The following UMODL1 variants were observed in gnomAD, a reference collection of about 807,000 sequenced individuals.
UMODL1 encodes uromodulin like 1, also known as uromodulin-like 1.
Under a neutral mutation model 136.3 loss-of-function variants are expected in UMODL1, and 128 were observed. The ratio of observed to expected loss-of-function variants is 0.94; its 90% confidence interval spans 0.81 to 1.09. The LOEUF (loss-of-function observed/expected upper bound fraction) is 1.09. Among genes scored for constraint, UMODL1 ranks in the 50% least tolerant of loss-of-function variants. The pLI is 0.00. For missense variants in UMODL1, 1,766 were observed against 1,725.6 expected (o/e 1.02, Z -0.41); for synonymous variants, 721 against 720.0 (o/e 1.00, Z -0.02).
At chr21:42,119,816 C>T (rs1355445596) in intron 15 of UMODL1, among the ~76,000 whole-genome samples, 1 of 152,118 alleles carries the variant, frequency 6.6e-6, no homozygotes, top group Non-Finnish European at 1.5e-5. Flanking sequence ...ATTGGAGATT[C>T]ATATTAATTT....
chr21:42,108,610 C>G lies in UMODL1; in HGVS notation c.1520-952C>G, dbSNP rs118104148. ...GGCATGCCGGGTGTGGGTTCGTTCCCGAGCACCTCCACCCGCAGCTCTACA... is the reference window on the plus strand; with the variant it reads ...GGCATGCCGGGTGTGGGTTCGTTCCGGAGCACCTCCACCCGCAGCTCTACA... On this transcript the variant is annotated intron_variant, in intron 9 of 22. Transcript: ENST00000408910. The G allele has an allele frequency of 2.9e-3, 993 of 340,748 alleles. 7 individuals are homozygous for G. The highest frequency in any genetic ancestry group is 0.02 in the African/African-American group (932 of 46,694). The allele number at this position is 340,748 out of a possible 1,614,324, so 21.1% of individuals were successfully genotyped here.
chr21:42,131,112 C>T (rs2067128995), intron 21 of UMODL1, among the ~76,000 whole-genome samples: 1 of 152,234 alleles, frequency 6.6e-6, no homozygotes, highest in Non-Finnish European at 1.5e-5. Flanking sequence ...TGCTCCCGGA[C>T]TGACTCCCAC....
chr21:42,092,398 T>TTTG (rs386394823), intron 6 of UMODL1, among the ~76,000 whole-genome samples: 10 of 151,806 alleles, frequency 6.6e-5, no homozygotes, highest in Non-Finnish European at 1.5e-4. Flanking sequence ...TTTTTGTTTT[T>TTTG]TTTTTTAAAC....
chr21:42,136,555 T>C (rs180711209), intron 21 of UMODL1, among the ~76,000 whole-genome samples: 3 of 152,326 alleles, frequency 2.0e-5, no homozygotes, highest in African/African-American at 4.8e-5. Context: ...CCTTTCACGG[T>C]TGGGTCATGT....
rs1335517523 is a variant in UMODL1 at position 42,123,794 on chromosome 21, T to C, written c.3147+644T>C. Among the ~76,000 whole-genome samples the C allele has an allele frequency of 6.6e-6, 1 of 151,846 alleles. No individual in the cohort carries two copies. The highest frequency in any genetic ancestry group is 1.5e-5 in the Non-Finnish European group (1 of 68,018). On this transcript the variant is annotated intron_variant, in intron 17 of 22. Transcript: ENST00000408910. The surrounding 1 kb of genome is among the most constrained non-coding windows in gnomAD (Gnocchi z 4.4). ...ATGCGTTTGTCCATGTGTGAGTGTG[T>C]ATGTATGGGTGTGTGTTTGGGGGGC...
intron 22 of UMODL1, among the ~76,000 whole-genome samples, chr21:42,139,466 C>T (rs1569183680): frequency 6.6e-6 from 1 of 152,168 alleles, no homozygotes; most frequent in African/African-American, 2.4e-5. Flanking sequence ...CCCCATGATC[C>T]AACCACCTCC....
At chr21:42,069,771 T>C (rs2066213839), upstream of UMODL1, among the ~76,000 whole-genome samples, 1 of 152,234 alleles carries the variant, frequency 6.6e-6, no homozygotes, top group Non-Finnish European at 1.5e-5. Flanking sequence ...TGAGATGATA[T>C]ATACAAGATA....
rs750618098 is a variant in UMODL1 at position 42,122,891 on chromosome 21, G to A, written c.2888G>A (p.Gly963Glu). The A allele has an allele frequency of 6.2e-6, 10 of 1,613,702 alleles. No homozygotes were observed. The highest frequency in any genetic ancestry group is 1.7e-5 in the Admixed American group (1 of 59,992). Residue 963 changes from glycine to glutamate, a missense_variant, in exon 17 of 23, where the codon GGG becomes GAG. Gly to Glu is a moderately conservative substitution (Grantham distance 98, BLOSUM62 -2). Transcript: ENST00000408910. This position sits in a 1 kb window ranked among gnomAD's most constrained non-coding sequence, Gnocchi z 4.3. ...CCAGAGAGGCCTCTCACCACAGCAG[G>A]GACCAAGGCTGCCTTTGTGCAAGGC... ...TSPERPLTTA[G>E]TKAAFVQGTS...
chr21:42,134,061 G>A (rs112721544), intron 21 of UMODL1, among the ~76,000 whole-genome samples: 9,439 of 152,224 alleles, frequency 0.062, 411 homozygotes, highest in Middle Eastern at 0.1. Flanking sequence ...GGGGCTGCAG[G>A]TGTTGTGGGC....
intron 7 of UMODL1, chr21:42,101,715 T>G: frequency 2.2e-6 from 1 of 456,656 alleles, no homozygotes; most frequent in Non-Finnish European, 4.4e-6. Flanking sequence ...CAGAGTACGT[T>G]CTTGAGAAGT....
At chr21:42,080,280 C>T (rs749533657) in intron 2 of UMODL1, among the ~76,000 whole-genome samples, 1 of 152,102 alleles carries the variant, frequency 6.6e-6, no homozygotes, top group African/African-American at 2.4e-5. Flanking sequence ...AAGCAGGGCC[C>T]GAAGCTGGAC....
In UMODL1 at chr21:42,137,434, C is replaced by T. The variant is rs757904797; in HGVS notation, c.3776-5C>T. On this transcript the variant is annotated splice_polypyrimidine_tract_variant and splice_region_variant and intron_variant, in intron 21 of 22. Coordinates refer to ENST00000408910, the MANE Select transcript of UMODL1 (RefSeq NM_001004416.3). Reference sequence around the variant, plus strand: ...TCTCTCACCTGTGCCTGTCTCCTCCCCGAGGTGAGCCTCCTCATGCAGAAG... The same window carrying T: ...TCTCTCACCTGTGCCTGTCTCCTCCTCGAGGTGAGCCTCCTCATGCAGAAG... 1 of 1,613,948 alleles carries T rather than the reference C, an allele frequency of 6.2e-7. No homozygotes were observed. The highest frequency in any genetic ancestry group is 1.7e-5 in the Admixed American group (1 of 60,026).
At chr21:42,101,140 A>G (rs1238965513) in intron 7 of UMODL1, among the ~76,000 whole-genome samples, 1 of 151,452 alleles carries the variant, frequency 6.6e-6, no homozygotes, top group Non-Finnish European at 1.5e-5. Flanking sequence ...AATTTGCTTT[A>G]AAGGCCTTGT....
chr21:42,085,263 A>C lies in UMODL1; in HGVS notation c.482-28A>C, dbSNP rs758675059. On this transcript the variant is annotated intron_variant, in intron 3 of 22. Coordinates refer to ENST00000408910, the MANE Select transcript of UMODL1 (RefSeq NM_001004416.3). This position sits in a 1 kb window ranked among gnomAD's most constrained non-coding sequence, Gnocchi z 4.5. ...TGTGACTTCAACCTGTCCTGGGTCC[A>C]TAATCATCAGTGTTTTCCCTTGTGT... is the stretch of plus-strand genomic sequence containing the variant. 1 of 1,611,604 alleles carries C rather than the reference A, an allele frequency of 6.2e-7. No homozygotes were observed. Among genetic ancestry groups the C allele is most frequent in the South Asian group, 1.1e-5 (1 of 90,856 alleles).
At chr21:42,133,739 G>A (rs112390636) in intron 21 of UMODL1, among the ~76,000 whole-genome samples, 9,448 of 152,204 alleles carry the variant, frequency 0.062, 411 homozygotes, top group Middle Eastern at 0.1. Context: ...CTCTGCCCCC[G>A]TCTGCACATG....
At position 42,129,698 on chromosome 21, in the gene UMODL1, G is replaced by GAAA; in HGVS notation, c.3691-6_3691-4dup. On this transcript the variant is annotated splice_polypyrimidine_tract_variant and intron_variant, in intron 20 of 22. Transcript: ENST00000408910. ...AATTAATTTGACGTTTCTCTTCTTG[G>GAAA]AAAAAAAAAAACAGAATTGCAATAA... is the stretch of plus-strand genomic sequence containing the variant. 14 of 1,231,412 alleles carry GAAA rather than the reference G, an allele frequency of 1.1e-5. No homozygotes were observed. Among genetic ancestry groups the GAAA allele is most frequent in the South Asian group, 6.2e-5 (4 of 64,914 alleles). The allele number at this position is 1,231,412 out of a possible 1,614,324, so 76.3% of individuals were successfully genotyped here.
chr21:42,114,982 C>T (rs886390875), intron 13 of UMODL1, among the ~76,000 whole-genome samples: 5 of 152,226 alleles, frequency 3.3e-5, no homozygotes, highest in African/African-American at 7.2e-5. Context: ...ACCAGAAGCC[C>T]TCAGGGGCAG....
intron 1 of UMODL1, among the ~76,000 whole-genome samples, chr21:42,064,254 G>A (rs900960150): frequency 6.6e-6 from 1 of 152,150 alleles, no homozygotes; most frequent in Non-Finnish European, 1.5e-5. Context: ...ATGTGGGTGG[G>A]CCTCATGCAA....
intron 22 of UMODL1, among the ~76,000 whole-genome samples, chr21:42,140,806 T>C (rs2067271861): frequency 6.6e-6 from 1 of 152,084 alleles, no homozygotes. Flanking sequence ...CCTCCGGGGA[T>C]CCCAAAGGGG....
Sources: gnomAD v4.1 joint callset for allele counts (sites outside exome capture counted in the v4.1 genomes callset) on GRCh38, gnomAD v4.1.1 for gene constraint, Gnocchi (gnomAD v3.1) non-coding constraint, MANE v1.5 for transcripts, NCBI Gene and HGNC (gene_info 2026-07-23, HGNC 2026-07-21) for gene names.